Variants in LRRTM4 observed in about 807,000 individuals in gnomAD.
LRRTM4 encodes leucine rich repeat transmembrane neuronal 4.
A neutral mutation model predicts 47.6 loss-of-function variants in LRRTM4; 25 were observed. The observed-to-expected ratio is 0.53, with a 90% confidence interval of 0.38 to 0.73. The LOEUF is 0.73. Among genes scored for constraint, LRRTM4 ranks in the 30% least tolerant of loss-of-function variants. The probability of loss-of-function intolerance (pLI) is 0.00; values close to 1 mark genes in which losing one functional copy is unlikely to be tolerated. For synonymous variants in LRRTM4, 311 were observed against 269.5 expected (o/e 1.15, Z -1.51); for missense variants, 638 against 713.4 (o/e 0.89, Z 1.20).
In LRRTM4 at chr2:77,119,199, C is replaced by G. The variant is rs992020075; in HGVS notation, c.1552-370283G>C. 5.9e-5 allele frequency among the ~76,000 whole-genome samples: 9 copies of G among 151,944 alleles called. No homozygotes were observed. The East Asian group carries it at 1.5e-3, about 26-fold the overall frequency. On this transcript the variant is annotated intron_variant, in intron 3 of 3. Transcript: ENST00000409884. ...AGTGGTATACCTACCACCCCCATCC[C>G]CACTCTAACTTCCATCTTCTCTTTT...
chr2:76,783,984 G>A (rs1674533483), intron 3 of LRRTM4, among the ~76,000 whole-genome samples: 2 of 152,074 alleles, frequency 1.3e-5, no homozygotes, highest in African/African-American at 2.4e-5. Context: ...ATGTTTGAAT[G>A]TTAAACAGAG....
intron 3 of LRRTM4, among the ~76,000 whole-genome samples, chr2:76,783,056 C>T (rs1674486188): frequency 2.0e-5 from 3 of 151,978 alleles, no homozygotes; most frequent in African/African-American, 7.3e-5. Flanking sequence ...GATACACATG[C>T]TTAGGTGCAG....
chr2:77,154,975 G>A (rs753127557), intron 3 of LRRTM4, among the ~76,000 whole-genome samples: 39 of 152,064 alleles, frequency 2.6e-4, no homozygotes, highest in East Asian at 1.2e-3. Flanking sequence ...GATTTGTACC[G>A]GCCCTTGCAC....
At chr2:76,973,339 G>C (rs1428960191) in intron 3 of LRRTM4, among the ~76,000 whole-genome samples, 1 of 151,920 alleles carries the variant, frequency 6.6e-6, no homozygotes, top group Non-Finnish European at 1.5e-5. Flanking sequence ...TTCCCAATTA[G>C]ATTGAATAGC....
chr2:76,821,659 C>T (rs989907713), intron 3 of LRRTM4, among the ~76,000 whole-genome samples: 3 of 151,752 alleles, frequency 2.0e-5, no homozygotes, highest in South Asian at 2.1e-4. Flanking sequence ...CCTTTGACTT[C>T]TCTGGCTTTT....
At chr2:77,335,903 C>A (rs1426396261) in intron 3 of LRRTM4, among the ~76,000 whole-genome samples, 1 of 152,070 alleles carries the variant, frequency 6.6e-6, no homozygotes, top group Non-Finnish European at 1.5e-5. Context: ...GACCATACAG[C>A]CTCTAGCACA....
intron 3 of LRRTM4, among the ~76,000 whole-genome samples, chr2:77,215,676 T>G (rs965816961): frequency 1.3e-5 from 2 of 152,188 alleles, no homozygotes; most frequent in African/African-American, 4.8e-5. Context: ...GGCACTATTT[T>G]ATTCATCATA....
chr2:76,819,645 C>T (rs578208266), intron 3 of LRRTM4, among the ~76,000 whole-genome samples: 48 of 151,988 alleles, frequency 3.2e-4, no homozygotes, highest in Non-Finnish European at 4.1e-4. Flanking sequence ...AACAGTAATA[C>T]TTGCTTACTT....
At chr2:76,986,480 C>A (rs1374115038) in intron 3 of LRRTM4, among the ~76,000 whole-genome samples, 1 of 151,894 alleles carries the variant, frequency 6.6e-6, no homozygotes, top group Non-Finnish European at 1.5e-5. Flanking sequence ...GAGGTCTTCT[C>A]TTCTGCAAAG....
intron 3 of LRRTM4, among the ~76,000 whole-genome samples, chr2:76,936,321 A>T (rs1674946074): frequency 6.6e-6 from 1 of 152,020 alleles, no homozygotes; most frequent in Admixed American, 6.6e-5. Flanking sequence ...CATCATTCTC[A>T]GCAAACTATC....
intron 3 of LRRTM4, among the ~76,000 whole-genome samples, chr2:77,077,111 T>TA (rs1680362891): frequency 6.6e-6 from 1 of 152,156 alleles, no homozygotes. Context: ...AGAATGTACA[T>TA]AGAGTATCAC....
chr2:76,805,358 C>T lies in LRRTM4; in HGVS notation c.1552-56442G>A, dbSNP rs563217098. Among the ~76,000 whole-genome samples, 11 of 152,142 alleles carry T rather than the reference C, an allele frequency of 7.2e-5. No individual in the cohort carries two copies. In the East Asian group the frequency reaches 2.1e-3, roughly 29 times the overall value. On this transcript the variant is annotated intron_variant, in intron 3 of 3. Coordinates refer to ENST00000409884, the MANE Select transcript of LRRTM4 (RefSeq NM_001134745.3). ...AAAAGCAAGGGATAATGGGATAAAC[C>T]ATTGATTTTTAAAAGAAAAAACTAC...
intron 3 of LRRTM4, among the ~76,000 whole-genome samples, chr2:76,764,685 T>A (rs1469270179): frequency 6.6e-6 from 1 of 152,072 alleles, no homozygotes; most frequent in Admixed American, 6.6e-5. Flanking sequence ...CACTGCCAGT[T>A]TGAACTAAGG....
chr2:77,090,294 C>T (rs998211966), intron 3 of LRRTM4, among the ~76,000 whole-genome samples: 2 of 152,212 alleles, frequency 1.3e-5, no homozygotes, highest in East Asian at 1.9e-4. Context: ...TAGGCTCTTT[C>T]TCATCAAATA....
intron 3 of LRRTM4, among the ~76,000 whole-genome samples, chr2:76,992,468 T>C (rs1677043195): frequency 6.6e-6 from 1 of 151,594 alleles, no homozygotes; most frequent in Non-Finnish European, 1.5e-5. Flanking sequence ...AAAATCAGTG[T>C]TGTATCTATA....
intron 3 of LRRTM4, among the ~76,000 whole-genome samples, chr2:77,198,841 T>G (rs550568823): frequency 1.3e-5 from 2 of 152,294 alleles, no homozygotes; most frequent in African/African-American, 4.8e-5. Context: ...TCACTAGCTA[T>G]CCTAACTACT....
intron 3 of LRRTM4, among the ~76,000 whole-genome samples, chr2:77,402,933 A>G (rs1432176755): frequency 6.6e-6 from 1 of 152,062 alleles, no homozygotes; most frequent in Non-Finnish European, 1.5e-5. Context: ...GGTAGATAAG[A>G]AAAACTCAGA....
intron 3 of LRRTM4, among the ~76,000 whole-genome samples, chr2:76,984,395 G>A (rs190914659): frequency 1.6e-4 from 24 of 152,040 alleles, no homozygotes; most frequent in Admixed American, 1.6e-3. Flanking sequence ...ATGTCAAAGA[G>A]AATGAACAAC....
At chr2:77,288,504 T>G (rs1676725346) in intron 3 of LRRTM4, among the ~76,000 whole-genome samples, 1 of 151,932 alleles carries the variant, frequency 6.6e-6, no homozygotes, top group Non-Finnish European at 1.5e-5. Context: ...GAAGATAATA[T>G]TCATAAACTA....
Sources: allele counts gnomAD v4.1 joint callset (sites outside exome capture counted in the v4.1 genomes callset), GRCh38; gene constraint gnomAD v4.1.1; transcripts MANE v1.5; gene names NCBI Gene and HGNC (gene_info 2026-07-23, HGNC 2026-07-21).